Variants in KHDRBS2 observed in about 807,000 individuals in gnomAD.
KHDRBS2 encodes KH RNA binding domain containing, signal transduction associated 2, also known as KH domain-containing, RNA-binding, signal transduction-associated protein 2.
KHDRBS2 carries 26 observed loss-of-function variants against 44.3 expected under a neutral mutation model. The ratio of observed to expected loss-of-function variants is 0.59; its 90% CI spans 0.43 to 0.81. The LOEUF is 0.81. Among genes scored for constraint, KHDRBS2 ranks in the 40% least tolerant of loss-of-function variants. The pLI is 0.00. For missense variants in KHDRBS2, 476 were observed against 433.1 expected (o/e 1.10, Z -0.88); for synonymous variants, 194 against 151.1 (o/e 1.28, Z -2.08).
intron 6 of KHDRBS2, among the ~76,000 whole-genome samples, chr6:61,762,115 A>T (rs557401467): frequency 3.1e-4 from 47 of 152,336 alleles, no homozygotes; most frequent in African/African-American, 1.1e-3. Context: ...ATACACTTCA[A>T]TGACCAGCTT....
chr6:61,568,424 T>C, the KHDRBS2 span, among the ~76,000 whole-genome samples: 2 of 152,162 alleles, frequency 1.3e-5, no homozygotes, highest in Non-Finnish European at 1.5e-5. Flanking sequence ...GAGACAGGGC[T>C]AATATGCAGC....
chr6:62,253,260 A>G (rs1364668248), intron 1 of KHDRBS2, among the ~76,000 whole-genome samples: 1 of 152,028 alleles, frequency 6.6e-6, no homozygotes, highest in Non-Finnish European at 1.5e-5. Flanking sequence ...ATTGTCTTAC[A>G]TTTTAATCAA....
In KHDRBS2 at chr6:61,955,444, A is replaced by G. The variant is rs199663800; in HGVS notation, c.483+22622T>C. ...TACACATACGTATGTGTATGTATAC[A>G]TATGTGTATATATACATATGTGTAT... On this transcript the variant is annotated intron_variant, in intron 4 of 8. Coordinates refer to ENST00000281156, the MANE Select transcript of KHDRBS2 (RefSeq NM_152688.4). Among the ~76,000 whole-genome samples, 69 of 33,414 alleles carry G rather than the reference A, an allele frequency of 2.1e-3. 14 individuals carry two copies. The highest frequency in any genetic ancestry group is 6.9e-3 in the East Asian group (3 of 432). The allele number at this position is 33,414 out of a possible 152,430, so 21.9% of individuals were successfully genotyped here.
At chr6:62,245,006 T>C (rs568772640) in intron 1 of KHDRBS2, among the ~76,000 whole-genome samples, 7 of 152,008 alleles carry the variant, frequency 4.6e-5, no homozygotes, top group African/African-American at 1.7e-4. Flanking sequence ...GAGGAGAATA[T>C]AATATTTTAC....
chr6:61,709,626 G>C (rs947554182), intron 7 of KHDRBS2, among the ~76,000 whole-genome samples: 1 of 151,254 alleles, frequency 6.6e-6, no homozygotes, highest in Non-Finnish European at 1.5e-5. Flanking sequence ...ATGAATGAGC[G>C]GTGAGCAATT....
chr6:61,848,533 A>T lies in KHDRBS2; in HGVS notation c.810+46102T>A, dbSNP rs9767520. On this transcript the variant is annotated intron_variant, in intron 6 of 8. Transcript: ENST00000281156. ...TATGTATATATGTATATATATATAC[A>T]TATATATGTATATATATACATATAT... Among the ~76,000 whole-genome samples, 73 of 50,764 alleles carry T rather than the reference A, an allele frequency of 1.4e-3. 11 individuals are homozygous for T. In the East Asian group the frequency reaches 0.034, roughly 24 times the overall value. 33.3% of individuals were successfully genotyped at this position (50,764 alleles called of 152,430 possible). A position where few individuals can be genotyped will look rare whatever the true frequency, so the allele number is the denominator to read the frequency against.
At chr6:61,912,724 C>G (rs1368747255) in intron 4 of KHDRBS2, among the ~76,000 whole-genome samples, 1 of 152,160 alleles carries the variant, frequency 6.6e-6, no homozygotes, top group East Asian at 1.9e-4. Flanking sequence ...TCAGCTGAAT[C>G]AGGCAGCCCA....
intron 2 of KHDRBS2, among the ~76,000 whole-genome samples, chr6:62,099,595 C>A (rs186329998): frequency 3.0e-4 from 46 of 152,248 alleles, no homozygotes; most frequent in Non-Finnish European, 1.3e-4. Flanking sequence ...GGGGCTGTGA[C>A]CCATGCTGGA....
intron 2 of KHDRBS2, among the ~76,000 whole-genome samples, chr6:62,172,901 T>C (rs984418489): frequency 3.9e-4 from 59 of 151,968 alleles, no homozygotes; most frequent in African/African-American, 1.3e-3. Flanking sequence ...AGAACAAAGA[T>C]AGAACGTACA....
intron 1 of KHDRBS2, among the ~76,000 whole-genome samples, chr6:62,188,373 T>C (rs1169005791): frequency 6.6e-6 from 1 of 152,140 alleles, no homozygotes; most frequent in Non-Finnish European, 1.5e-5. Flanking sequence ...TTGACTATTT[T>C]AGATATCAGA....
At chr6:61,809,925 GA>G (rs1301152482) in intron 6 of KHDRBS2, among the ~76,000 whole-genome samples, 2 of 152,106 alleles carry the variant, frequency 1.3e-5, no homozygotes, top group African/African-American at 4.8e-5. Context: ...AAGTATAAGA[GA>G]AAAATATATC....
intron 4 of KHDRBS2, among the ~76,000 whole-genome samples, chr6:61,941,942 A>C (rs543732800): frequency 1.1e-3 from 167 of 152,196 alleles, no homozygotes; most frequent in African/African-American, 3.8e-3. Context: ...CATTCCAGAA[A>C]AAGAATCCAA....
chr6:62,199,527 G>A (rs987887888), intron 1 of KHDRBS2, among the ~76,000 whole-genome samples: 15 of 152,036 alleles, frequency 9.9e-5, no homozygotes, highest in Non-Finnish European at 1.8e-4. Context: ...CAACTTACAA[G>A]GGATGTGAAA....
At chr6:61,647,852 C>T in the KHDRBS2 span, among the ~76,000 whole-genome samples, 22 of 152,152 alleles carry the variant, frequency 1.4e-4, no homozygotes, top group African/African-American at 5.3e-4. Context: ...TCAGTAAATG[C>T]CATGATGTAG....
downstream of KHDRBS2, among the ~76,000 whole-genome samples, chr6:61,679,773 A>G (rs1209574028): frequency 6.6e-6 from 1 of 151,964 alleles, no homozygotes; most frequent in Non-Finnish European, 1.5e-5. Flanking sequence ...AAGTGAATCT[A>G]CGCAATGCTT....
chr6:61,890,563 C>T (rs1017912527), intron 6 of KHDRBS2, among the ~76,000 whole-genome samples: 1 of 152,146 alleles, frequency 6.6e-6, no homozygotes, highest in Non-Finnish European at 1.5e-5. Context: ...AAGTTTTTCT[C>T]TCTTCTTAAT....
intron 2 of KHDRBS2, among the ~76,000 whole-genome samples, chr6:62,107,070 A>T (rs1414734773): frequency 6.6e-6 from 1 of 152,038 alleles, no homozygotes; most frequent in Non-Finnish European, 1.5e-5. Flanking sequence ...CCTATTCAAC[A>T]TAGTGTTGGA....
the KHDRBS2 span, among the ~76,000 whole-genome samples, chr6:61,667,247 T>A: frequency 8.6e-5 from 13 of 150,936 alleles, no homozygotes; most frequent in Non-Finnish European, 1.9e-4. Flanking sequence ...TCTCTTTTTT[T>A]AATGAAGTTC....
At chr6:61,833,723 A>G (rs903937206) in intron 6 of KHDRBS2, among the ~76,000 whole-genome samples, 3 of 152,184 alleles carry the variant, frequency 2.0e-5, no homozygotes, top group African/African-American at 7.2e-5. Context: ...TGTGAAAAAT[A>G]CTATGGTTAC....
Sources: gnomAD v4.1 joint callset for allele counts (sites outside exome capture counted in the v4.1 genomes callset) on GRCh38, gnomAD v4.1.1 for gene constraint, MANE v1.5 for transcripts, NCBI Gene and HGNC (gene_info 2026-07-23, HGNC 2026-07-21) for gene names.